The following IRF8 variants were observed in gnomAD, a reference collection of about 807,000 sequenced individuals.
IRF8 encodes the protein interferon consensus sequence binding protein 1.
In IRF8, 14 loss-of-function variants were observed where a neutral mutation model predicts 48.7. The ratio of observed to expected loss-of-function variants is 0.29; its 90% confidence interval spans 0.19 to 0.45. The LOEUF (loss-of-function observed/expected upper bound fraction) is 0.45, where lower values mean the gene tolerates loss of function less well. Ranked by LOEUF, IRF8 falls within the 20% of genes least tolerant of loss-of-function variation. The pLI, the probability that IRF8 is intolerant of heterozygous loss-of-function variation, is 1.00. For synonymous variants in IRF8, 278 were observed against 227.3 expected, an observed-to-expected ratio of 1.22 and a Z score of -2.01; for missense variants, 493 against 580.7, an observed-to-expected ratio of 0.85 and a Z score of 1.55.
rs1473591854 is a variant in IRF8, at chr16:85,921,437, C to T, written c.*155C>T. The T allele has an allele frequency of 8.7e-6, 7 of 805,268 alleles. No individual in the cohort carries two copies. Among genetic ancestry groups the T allele is most frequent in the East Asian group, 7.9e-5 (3 of 37,850 alleles). 49.9% of individuals were successfully genotyped at this position (805,268 alleles called of 1,614,324 possible). On this transcript the variant is annotated 3_prime_UTR_variant, in exon 9 of 9. Transcript: ENST00000268638. ...ATAAGGGCATTCTCGGAGGAGTAGACGTTTAATACGAAGTGGCGGCATAGC... is the reference window on the plus strand; with the variant it reads ...ATAAGGGCATTCTCGGAGGAGTAGATGTTTAATACGAAGTGGCGGCATAGC...
intron 6 of IRF8, among the ~76,000 whole-genome samples, chr16:85,917,659 T>G (rs1905360093): frequency 6.6e-6 from 1 of 152,230 alleles, no homozygotes; most frequent in Non-Finnish European, 1.5e-5. Flanking sequence ...TTCAGTGCCA[T>G]TATTCAAAAG....
intron 2 of IRF8, among the ~76,000 whole-genome samples, chr16:85,904,202 G>T (rs145398499): frequency 6.6e-6 from 1 of 152,336 alleles, no homozygotes; most frequent in Non-Finnish European, 1.5e-5. Context: ...TCCTAGCCCA[G>T]GTTATAAGCC....
chr16:85,904,442 C>T (rs575495446), intron 2 of IRF8, among the ~76,000 whole-genome samples: 9 of 152,310 alleles, frequency 5.9e-5, no homozygotes, highest in African/African-American at 1.9e-4. Flanking sequence ...AAAGATCACA[C>T]CTTAACCCCA....
intron 2 of IRF8, among the ~76,000 whole-genome samples, chr16:85,908,789 G>C (rs1905069087): frequency 6.6e-6 from 1 of 152,052 alleles, no homozygotes; most frequent in Non-Finnish European, 1.5e-5. Context: ...CCCTGGCTTG[G>C]GTCTTTCCAC....
Position 85,914,371 on chromosome 16 carries a change from T to C in IRF8, c.554-102T>C, listed in dbSNP as rs1905232639. On this transcript the variant is annotated intron_variant, in intron 5 of 8. Transcript: ENST00000268638. ...GCTCCCTGGAGCCTCTGGCACGCCATGTGCAGCCTTTTAAGGGACTTTTGG... is the reference window on the plus strand; with the variant it reads ...GCTCCCTGGAGCCTCTGGCACGCCACGTGCAGCCTTTTAAGGGACTTTTGG... 4 of 1,363,944 alleles carry C rather than the reference T, an allele frequency of 2.9e-6. No homozygotes were observed. In the East Asian group the frequency reaches 6.9e-5, roughly 24 times the overall value. The allele number at this position is 1,363,944 out of a possible 1,614,324, so 84.5% of individuals were successfully genotyped here.
rs753224817 is a variant in IRF8 at position 85,922,343 on chromosome 16, G to A, written c.*1061G>A. ...ACAGTCAGACCCAGAGGTCCTTTACGTGTGGATGGAGTTCACAGGCGAATA... is the reference window on the plus strand; with the variant it reads ...ACAGTCAGACCCAGAGGTCCTTTACATGTGGATGGAGTTCACAGGCGAATA... On this transcript the variant is annotated 3_prime_UTR_variant, in exon 9 of 9. Transcript: ENST00000268638. The A allele has an allele frequency of 5.9e-5, 9 of 152,412 alleles. No homozygotes were observed. Among genetic ancestry groups the A allele is most frequent in the East Asian group, 1.9e-4 (1 of 5,300 alleles). 9.4% of individuals were successfully genotyped at this position (152,412 alleles called of 1,614,324 possible).
intron 1 of IRF8, 40 bp from the exon 2 acceptor site, chr16:85,902,975 A>G (rs374012709): frequency 6.2e-7 from 1 of 1,609,830 alleles, no homozygotes; most frequent in African/African-American, 1.3e-5. Context: ...GAATGAGACA[A>G]TATCCGTAAT....
At chr16:85,918,396 T>C (rs1446118149) in intron 6 of IRF8, 21 bp from the exon 7 acceptor site, 1 of 1,593,652 alleles carries the variant, frequency 6.3e-7, no homozygotes, top group Admixed American at 1.7e-5. Flanking sequence ...AGCACCGTCA[T>C]CGTGTCCCTC....
chr16:85,920,218 C>T lies in IRF8; in HGVS notation c.1098C>T (p.Leu366=), dbSNP rs753030994. Residue 366 remains leucine (L), a synonymous_variant, in exon 8 of 9, where the codon CTC becomes CTT. Transcript: ENST00000268638. Reference sequence around the variant, plus strand: ...CCCCCTTGCGCTCCAAACTCATTCTCGTGCAGGTAAGTATGGGCAGCTTTT... The same window carrying T: ...CCCCCTTGCGCTCCAAACTCATTCTTGTGCAGGTAAGTATGGGCAGCTTTT... The part of the protein sequence containing the change: ...DMAPLRSKLI[L]VQIEQLYVRQ... 9.7e-6 allele frequency: 11 copies of T among 1,137,804 alleles called. No individual in the cohort carries two copies. The highest frequency in any genetic ancestry group is 1.8e-5 in the Admixed American group (1 of 56,982). 70.5% of individuals were successfully genotyped at this position (1,137,804 alleles called of 1,614,324 possible). A position where few individuals can be genotyped will look rare whatever the true frequency, so the allele number is the denominator to read the frequency against.
chr16:85,920,210 C>T lies in IRF8; in HGVS notation c.1090C>T (p.Leu364Phe). The T allele has an allele frequency of 7.9e-7, 1 of 1,259,852 alleles. No homozygotes were observed. The highest frequency in any genetic ancestry group is 1.2e-6 in the Non-Finnish European group (1 of 867,898). The allele number at this position is 1,259,852 out of a possible 1,614,324, so 78.0% of individuals were successfully genotyped here. A position where few individuals can be genotyped will look rare whatever the true frequency, so the allele number is the denominator to read the frequency against. The stretch of plus-strand genomic sequence containing the variant: ...GGATATGGCCCCCTTGCGCTCCAAA[C>T]TCATTCTCGTGCAGGTAAGTATGGG... The part of the protein sequence containing the change: ...FPDMAPLRSK[L>F]ILVQIEQLYV... The change falls in exon 8 of 9, where the codon CTC (leucine) becomes TTC (phenylalanine). Residue 364 changes from leucine (L) to phenylalanine (F), a missense_variant. Physicochemically the swap from Leu to Phe is conservative, Grantham distance 22 (BLOSUM62 0). Transcript: ENST00000268638.
At chr16:85,910,147 T>C (rs1468875229) in intron 3 of IRF8, among the ~76,000 whole-genome samples, 1 of 152,186 alleles carries the variant, frequency 6.6e-6, no homozygotes, top group East Asian at 1.9e-4. Context: ...CAGAGAGTTG[T>C]GTAATCGTCA....
intron 2 of IRF8, chr16:85,903,505 A>G (rs1285475480): frequency 5.3e-6 from 2 of 377,784 alleles, no homozygotes; most frequent in South Asian, 2.3e-5. Flanking sequence ...CTTCACGCTA[A>G]GACCTTTCCC....
Position 85,914,508 on chromosome 16 carries a change from G to A in IRF8, c.589G>A (p.Ala197Thr), listed in dbSNP as rs1372132995. The A allele has an allele frequency of 8.1e-6, 13 of 1,613,964 alleles. No homozygotes were observed. The highest frequency in any genetic ancestry group is 1.6e-4 in the Middle Eastern group (1 of 6,084). Residue 197 changes from alanine (A) to threonine (T), a missense_variant, in exon 6 of 9, where the codon GCG (alanine) becomes ACG (threonine). This residue lies in a region of IRF8 where 408 missense variants were observed against 449.6 expected (regional missense o/e 0.91). Transcript: ENST00000268638. ...GGTGACGGGGTACACCACCTACGACGCGCACCATTCAGGTACGGGGTGGTC... is the reference window on the plus strand; with the variant it reads ...GGTGACGGGGTACACCACCTACGACACGCACCATTCAGGTACGGGGTGGTC... The part of the protein sequence containing the change: ...PLVTGYTTYD[A>T]HHSAFSQMVI...
At chr16:85,914,347 C>G in intron 5 of IRF8, 126 bp from the exon 6 acceptor site, 1 of 1,043,066 alleles carries the variant, frequency 9.6e-7, no homozygotes, top group Non-Finnish European at 1.5e-6. Flanking sequence ...GAAGCCTGTG[C>G]TCCCTGGAGC....
At chr16:85,918,190 T>A (rs8064189) in intron 6 of IRF8, among the ~76,000 whole-genome samples, 1 of 152,006 alleles carries the variant, frequency 6.6e-6, no homozygotes, top group Non-Finnish European at 1.5e-5. Context: ...AGAACACTGT[T>A]GTAGTTAATA....
chr16:85,904,812 C>CTTTTTTTTTTTTTTTTTTT lies in IRF8; in HGVS notation c.174+1625_174+1643dup, dbSNP rs1177860791. 2.1e-4 allele frequency among the ~76,000 whole-genome samples: 18 copies of CTTTTTTTTTTTTTTTTTTT among 87,596 alleles called. 2 individuals carry two copies. The highest frequency in any genetic ancestry group is 7.9e-4 in the South Asian group (2 of 2,516). The allele number at this position is 87,596 out of a possible 152,430, so 57.5% of individuals were successfully genotyped here. A position where few individuals can be genotyped will look rare whatever the true frequency, so the allele number is the denominator to read the frequency against. ...ATTTCTCTCTTGTTTGATTGCAGAT[C>CTTTTTTTTTTTTTTTTTTT]TTTTTTTTTTTTTTTTTTTTGCCTT... is the stretch of plus-strand genomic sequence containing the variant. On this transcript the variant is annotated intron_variant, in intron 2 of 8. Coordinates refer to ENST00000268638, the MANE Select transcript of IRF8 (RefSeq NM_002163.4).
chr16:85,911,658 G>A lies in IRF8; in HGVS notation c.447G>A (p.Glu149=). 2 of 1,613,100 alleles carry A rather than the reference G, an allele frequency of 1.2e-6. No homozygotes were observed. The highest frequency in any genetic ancestry group is 1.7e-6 in the Non-Finnish European group (2 of 1,179,204). ...GRSEIDELIK[E]PSVDDYMGMI... is the part of the protein sequence containing the mutation. The stretch of plus-strand genomic sequence containing the variant: ...CTGAAATCGACGAGCTGATCAAGGA[G>A]GTAAGCAGAGGCAGCATTTCAGGGG... Residue 149 remains glutamate, a splice_region_variant and synonymous_variant, in exon 4 of 9, where the codon GAG becomes GAA. Coordinates refer to ENST00000268638, the MANE Select transcript of IRF8 (RefSeq NM_002163.4).
At chr16:85,920,722 C>G (rs1017153556) in intron 8 of IRF8, among the ~76,000 whole-genome samples, 1 of 152,080 alleles carries the variant, frequency 6.6e-6, no homozygotes, top group African/African-American at 2.4e-5. Flanking sequence ...GTGTCTGGGA[C>G]GCGCACAGTC....
intron 7 of IRF8, among the ~76,000 whole-genome samples, chr16:85,919,142 G>A (rs1281803571): frequency 6.6e-6 from 1 of 152,140 alleles, no homozygotes; most frequent in Admixed American, 6.5e-5. Flanking sequence ...TAGAGACACA[G>A]AGTCTGAGGC....
Sources: allele counts gnomAD v4.1 joint callset (sites outside exome capture counted in the v4.1 genomes callset), GRCh38; gene constraint gnomAD v4.1.1; regional missense constraint gnomAD v4.1.1; transcripts MANE v1.5; gene names NCBI Gene and HGNC (gene_info 2026-07-23, HGNC 2026-07-21).